ASGR2: variants seen among roughly 807,000 people sequenced by gnomAD.
The protein encoded by ASGR2 is C-type lectin domain family 4 member H2.
ASGR2 carries 34 observed loss-of-function variants against 32.3 expected under a neutral mutation model. That is an observed-to-expected ratio of 1.05 (90% CI 0.80 to 1.40). The LOEUF is 1.40. Ranked by LOEUF, ASGR2 falls within the 40% of genes most tolerant of loss-of-function variation. The probability of loss-of-function intolerance (pLI) is 0.00; values close to 1 mark genes in which losing one functional copy is unlikely to be tolerated. For missense variants in ASGR2, 385 were observed against 386.4 expected, an observed-to-expected ratio of 1.00 and a Z score of 0.03; for synonymous variants, 143 against 150.0, an observed-to-expected ratio of 0.95 and a Z score of 0.34.
chr17:7,103,042 G>A lies in ASGR2; in HGVS notation c.649-846C>T, dbSNP rs181358617. Reference sequence around the variant, plus strand: ...AGCTGTTCCTGGGGACCTAGGTCCCGTGGTTCGGTAGGGTAGGAGGGGAAG... The same window carrying A: ...AGCTGTTCCTGGGGACCTAGGTCCCATGGTTCGGTAGGGTAGGAGGGGAAG... On this transcript the variant is annotated intron_variant, in intron 7 of 8. Coordinates refer to ENST00000691900, the MANE Select transcript of ASGR2 (RefSeq NM_001201352.2). Among the ~76,000 whole-genome samples, 607 of 152,270 alleles carry A rather than the reference G, an allele frequency of 4.0e-3. 1 individual carries two copies. Among genetic ancestry groups the A allele is most frequent in the Non-Finnish European group, 6.3e-3 (427 of 68,018 alleles).
chr17:7,108,012 C>T lies in ASGR2; in HGVS notation c.338-105G>A. 7.4e-7 allele frequency: 1 copy of T among 1,344,752 alleles called. No homozygotes were observed. The highest frequency in any genetic ancestry group is 1.0e-6 in the Non-Finnish European group (1 of 977,284). The allele number at this position is 1,344,752 out of a possible 1,614,324, so 83.3% of individuals were successfully genotyped here. ...CGTCCTGGGCGATGCAGGCGTCCAC[C>T]TCCTGGCTTCCTGGACCACACCCAG... On this transcript the variant is annotated intron_variant, in intron 4 of 8. Transcript: ENST00000691900. The surrounding 1 kb of genome is among the most constrained non-coding windows in gnomAD (Gnocchi z 4.9).
Position 7,107,795 on chromosome 17 carries a change from A to G in ASGR2, c.409+41T>C, listed in dbSNP as rs746430353. 92 of 1,523,866 alleles carry G rather than the reference A, an allele frequency of 6.0e-5. No individual in the cohort carries two copies. The South Asian group carries it at 1.0e-3, about 17-fold the overall frequency. 94.4% of individuals were successfully genotyped at this position (1,523,866 alleles called of 1,614,324 possible). ...CACACTACACACACCGCACACGTACACATGCACGCACATGCGCACACACCC... is the reference window on the plus strand; with the variant it reads ...CACACTACACACACCGCACACGTACGCATGCACGCACATGCGCACACACCC... On this transcript the variant is annotated intron_variant, in intron 5 of 8. Coordinates refer to ENST00000691900, the MANE Select transcript of ASGR2 (RefSeq NM_001201352.2). This position sits in a 1 kb window ranked among gnomAD's most constrained non-coding sequence, Gnocchi z 5.0.
At chr17:7,102,247 C>T (rs773431255) in intron 7 of ASGR2, 51 bp from the exon 8 acceptor site, 5 of 1,489,834 alleles carry the variant, frequency 3.4e-6, no homozygotes, top group Non-Finnish European at 3.7e-6. Context: ...CCTTTCTCCT[C>T]CCTCCATGCA....
Position 7,107,381 on chromosome 17 carries a change from GTGGC to G in ASGR2, c.410-68_410-65del, listed in dbSNP as rs1913901431. Reference sequence around the variant, plus strand: ...GTCCCCACCTGCTAGGCTCCAGCCTGTGGCTGGGGAAGCATATACACCCACAGAC... The same window carrying G: ...GTCCCCACCTGCTAGGCTCCAGCCTGTGGGGAAGCATATACACCCACAGAC... On this transcript the variant is annotated intron_variant, in intron 5 of 8. Transcript: ENST00000691900. This position sits in a 1 kb window ranked among gnomAD's most constrained non-coding sequence, Gnocchi z 5.0. 6.5e-7 allele frequency: 1 copy of G among 1,548,708 alleles called. No individual in the cohort carries two copies. The highest frequency in any genetic ancestry group is 1.4e-5 in the African/African-American group (1 of 73,180).
Position 7,114,269 on chromosome 17 carries a change from G to T in ASGR2, c.-29C>A. 2 of 1,612,204 alleles carry T rather than the reference G, an allele frequency of 1.2e-6. No homozygotes were observed. The highest frequency in any genetic ancestry group is 8.5e-7 in the Non-Finnish European group (1 of 1,179,578). On this transcript the variant is annotated 5_prime_UTR_variant, in exon 2 of 9. Coordinates refer to ENST00000691900, the MANE Select transcript of ASGR2 (RefSeq NM_001201352.2). This position sits in a 1 kb window ranked among gnomAD's most constrained non-coding sequence, Gnocchi z 4.5. ...GGGGCCCGGGCTGGAGCTGGAGCTG[G>T]AGCTGGGCTGGGCTGGGCTGAGGTT... is the stretch of plus-strand genomic sequence containing the variant.
intron 7 of ASGR2, among the ~76,000 whole-genome samples, chr17:7,106,552 A>C (rs1913708701): frequency 1.3e-5 from 2 of 152,214 alleles, no homozygotes; most frequent in Non-Finnish European, 2.9e-5. Flanking sequence ...ATGTAATGCA[A>C]ACAATACATA....
rs576161640 is a variant in ASGR2, at chr17:7,107,802, C to T, written c.409+34G>A. 247 of 1,608,858 alleles carry T rather than the reference C, an allele frequency of 1.5e-4. No individual in the cohort carries two copies. In the South Asian group the frequency reaches 2.2e-3, roughly 14 times the overall value. On this transcript the variant is annotated intron_variant, in intron 5 of 8. Coordinates refer to ENST00000691900, the MANE Select transcript of ASGR2 (RefSeq NM_001201352.2). This position sits in a 1 kb window ranked among gnomAD's most constrained non-coding sequence, Gnocchi z 5.0. ...CACACACCGCACACGTACACATGCA[C>T]GCACATGCGCACACACCCCGGAGGC... is the stretch of plus-strand genomic sequence containing the variant.
Position 7,114,473 on chromosome 17 carries a change from G to A in ASGR2, c.-71+142C>T. The A allele has an allele frequency of 7.4e-7, 1 of 1,357,800 alleles. No individual in the cohort carries two copies. Among genetic ancestry groups the A allele is most frequent in the Admixed American group, 3.2e-5 (1 of 31,040 alleles). The allele number at this position is 1,357,800 out of a possible 1,614,324, so 84.1% of individuals were successfully genotyped here. ...TTTCCCTTCTCAGGAGACCGCTTGGGCCTTGACCTGGCCAGGAGACCCCTC... is the reference window on the plus strand; with the variant it reads ...TTTCCCTTCTCAGGAGACCGCTTGGACCTTGACCTGGCCAGGAGACCCCTC... On this transcript the variant is annotated intron_variant, in intron 1 of 8. Transcript: ENST00000691900. This position sits in a 1 kb window ranked among gnomAD's most constrained non-coding sequence, Gnocchi z 4.5.
chr17:7,106,637 T>C (rs62058751), intron 7 of ASGR2, among the ~76,000 whole-genome samples: 53,790 of 151,794 alleles, frequency 0.35, 9,932 homozygotes, highest in South Asian at 0.42. Context: ...GACGCGGTGG[T>C]TCACGCCTGT....
chr17:7,101,798 ATCC>A (rs1912860450), intron 8 of ASGR2, 58 bp from the exon 9 acceptor site: 2 of 1,576,792 alleles, frequency 1.3e-6, no homozygotes, highest in Non-Finnish European at 1.7e-6. Flanking sequence ...CGACTTACCC[ATCC>A]TCCTCCTCTT....
chr17:7,101,839 G>A, intron 8 of ASGR2, 99 bp from the exon 9 acceptor site: 4 of 1,472,080 alleles, frequency 2.7e-6, no homozygotes, highest in East Asian at 2.3e-5. Context: ...AAGGCCGAGA[G>A]TGGAGCTGGG....
chr17:7,102,147 G>A lies in ASGR2; in HGVS notation c.698C>T (p.Thr233Met), dbSNP rs560461662. 2.0e-5 allele frequency: 33 copies of A among 1,614,182 alleles called. No homozygotes were observed. The highest frequency in any genetic ancestry group is 1.6e-4 in the Middle Eastern group (1 of 6,062). Residue 233 changes from threonine (T) to methionine (M), a missense_variant, in exon 8 of 9, where the codon ACG becomes ATG. Transcript: ENST00000691900. ...CCATTTCCAAGAGCCATCACTGTCC[G>A]TGAGACCTATCCAGGTATTGAAGGG... ...TNPFNTWIGL[T>M]DSDGSWKWVD... is the part of the protein sequence containing the mutation.
chr17:7,107,768 T>TACACACTACACACACCGC lies in ASGR2; in HGVS notation c.409+50_409+67dup, dbSNP rs571074972. 1.3e-4 allele frequency: 127 copies of TACACACTACACACACCGC among 951,160 alleles called. No homozygotes were observed. Among genetic ancestry groups the TACACACTACACACACCGC allele is most frequent in the Middle Eastern group, 2.8e-4 (1 of 3,594 alleles). 58.9% of individuals were successfully genotyped at this position (951,160 alleles called of 1,614,324 possible). A position where few individuals can be genotyped will look rare whatever the true frequency, so the allele number is the denominator to read the frequency against. ...GTGCACACTACACACACCGCACACG[T>TACACACTACACACACCGC]ACACACTACACACACCGCACACGTA... On this transcript the variant is annotated intron_variant, in intron 5 of 8. Transcript: ENST00000691900. This position sits in a 1 kb window ranked among gnomAD's most constrained non-coding sequence, Gnocchi z 5.0.
intron 2 of ASGR2, among the ~76,000 whole-genome samples, chr17:7,111,453 G>A (rs575574998): frequency 1.8e-4 from 28 of 151,828 alleles, no homozygotes; most frequent in African/African-American, 3.1e-4. Context: ...TCAGGAGATC[G>A]ACACCATCCT....
chr17:7,113,323 CACTA>C lies in ASGR2; in HGVS notation c.124+790_124+793del, dbSNP rs1354802822. 1.4e-5 allele frequency among the ~76,000 whole-genome samples: 2 copies of C among 145,234 alleles called. No individual in the cohort carries two copies. Among genetic ancestry groups the C allele is most frequent in the African/African-American group, 4.9e-5 (2 of 40,602 alleles). ...ACACACACATACAATCACATACACA[CACTA>C]ACACACACACTCACGCAACACACTC... On this transcript the variant is annotated intron_variant, in intron 2 of 8. Transcript: ENST00000691900. The surrounding 1 kb of genome is among the most constrained non-coding windows in gnomAD (Gnocchi z 5.1).
At position 7,108,759 on chromosome 17, in the gene ASGR2, C is replaced by G; in HGVS notation, c.241+13G>C. On this transcript the variant is annotated intron_variant, in intron 3 of 8. Coordinates refer to ENST00000691900, the MANE Select transcript of ASGR2 (RefSeq NM_001201352.2). The surrounding 1 kb of genome is among the most constrained non-coding windows in gnomAD (Gnocchi z 4.9). ...ACCCCTTGCCCATCCCTGCTGGCCC[C>G]CGTGACCCTCACTTTGGGACCCAGT... 1 of 1,613,998 alleles carries G rather than the reference C, an allele frequency of 6.2e-7. No homozygotes were observed. Among genetic ancestry groups the G allele is most frequent in the East Asian group, 2.2e-5 (1 of 44,860 alleles).
In ASGR2 at chr17:7,107,312, C is replaced by G; in HGVS notation, c.415G>C (p.Asp139His). 8 of 1,613,006 alleles carry G rather than the reference C, an allele frequency of 5.0e-6. No homozygotes were observed. Among genetic ancestry groups the G allele is most frequent in the Non-Finnish European group, 5.9e-6 (7 of 1,180,000 alleles). Residue 139 changes from aspartate (D) to histidine (H), a missense_variant, in exon 6 of 9, where the codon GAT (aspartate) becomes CAT (histidine). Physicochemically the swap from Asp to His is moderately conservative, Grantham distance 81. Coordinates refer to ENST00000691900, the MANE Select transcript of ASGR2 (RefSeq NM_001201352.2). The surrounding 1 kb of genome is among the most constrained non-coding windows in gnomAD (Gnocchi z 5.0). ...KQQQDLKADH[D>H]ALLFHLKHFP... ...TGCTTCAGATGGAAGAGCAGGGCATCGTGATCTAGGACAGACAGGCTGAAA... is the reference window on the plus strand; with the variant it reads ...TGCTTCAGATGGAAGAGCAGGGCATGGTGATCTAGGACAGACAGGCTGAAA...
chr17:7,114,828 G>A, upstream of ASGR2: 1 of 988,104 alleles, frequency 1.0e-6, no homozygotes, highest in Non-Finnish European at 1.2e-6. This position sits in a 1 kb window ranked among gnomAD's most constrained non-coding sequence, Gnocchi z 4.5. Context: ...ACAGTAAACA[G>A]AAGAGGAAAC....
At chr17:7,104,053 T>C (rs531877177) in intron 7 of ASGR2, among the ~76,000 whole-genome samples, 2 of 146,828 alleles carry the variant, frequency 1.4e-5, no homozygotes, top group East Asian at 4.0e-4. Flanking sequence ...TTGAGCTACA[T>C]ACTAAAAAAA....
Sources: allele counts gnomAD v4.1 joint callset (sites outside exome capture counted in the v4.1 genomes callset), GRCh38; gene constraint gnomAD v4.1.1; non-coding constraint Gnocchi (gnomAD v3.1); transcripts MANE v1.5; gene names NCBI Gene and HGNC (gene_info 2026-07-23, HGNC 2026-07-21).